Variants in GTF2I observed in about 807,000 individuals in gnomAD.
The protein encoded by GTF2I is general transcription factor IIi.
A neutral mutation model predicts 67.6 loss-of-function variants in GTF2I; 12 were observed. The observed-to-expected ratio is 0.18, with a 90% CI of 0.11 to 0.29. The LOEUF is 0.29. GTF2I is among the 10% of genes least tolerant of loss of function. GTF2I has a pLI of 1.00. For synonymous variants in GTF2I, 149 were observed against 197.0 expected (o/e 0.76, Z 2.04); for missense variants, 271 against 580.1 (o/e 0.47, Z 5.47).
intron 9 of GTF2I, among the ~76,000 whole-genome samples, chr7:74,714,091 T>C (rs1435680863): frequency 6.6e-6 from 1 of 152,152 alleles, no homozygotes; most frequent in Non-Finnish European, 1.5e-5. Flanking sequence ...ACTGTGGTCA[T>C]ATTAATGCCA....
chr7:74,675,011 CCCAG>C (rs1554391957), intron 1 of GTF2I, among the ~76,000 whole-genome samples: 3 of 151,862 alleles, frequency 2.0e-5, no homozygotes, highest in Non-Finnish European at 4.4e-5. Flanking sequence ...TGCCACCACA[CCCAG>C]CCAATTTTTG....
intron 6 of GTF2I, among the ~76,000 whole-genome samples, chr7:74,701,411 A>C (rs587617655): frequency 6.6e-5 from 10 of 152,258 alleles, no homozygotes; most frequent in African/African-American, 2.4e-4. Context: ...TGAAAAGATT[A>C]ATTTTTTAGC....
In GTF2I at chr7:74,737,227, T is replaced by C. The variant is rs810373; in HGVS notation, c.1619+544T>C. Among the ~76,000 whole-genome samples the C allele has an allele frequency of 1.7e-4, 25 of 147,388 alleles. 1 individual carries two copies. Among genetic ancestry groups the C allele is most frequent in the East Asian group, 4.0e-4 (2 of 5,006 alleles). ...AAAAAAAAAAAATAGAAAAATGCAA[T>C]GAAGTGTTATTGAGCGTTTTTAAGG... On this transcript the variant is annotated intron_variant, in intron 18 of 34. Transcript: ENST00000573035.
At chr7:74,662,216 T>C (rs1167532187) in intron 1 of GTF2I, among the ~76,000 whole-genome samples, 42 of 139,008 alleles carry the variant, frequency 3.0e-4, no homozygotes, top group Non-Finnish European at 5.0e-4. Context: ...TTTTTTTTTT[T>C]TTTTTTTTTT....
chr7:74,725,097 A>T (rs587672598), intron 12 of GTF2I, among the ~76,000 whole-genome samples: 1 of 152,324 alleles, frequency 6.6e-6, no homozygotes, highest in South Asian at 2.1e-4. Flanking sequence ...AATGCCCAGT[A>T]TGTGAGGGCA....
At chr7:74,727,100 AAG>A (rs375598839) in intron 12 of GTF2I, 1 of 152,314 alleles carries the variant, frequency 6.6e-6, no homozygotes, top group African/African-American at 2.4e-5. Flanking sequence ...TCCTTTACAA[AAG>A]CACTTCTGTC....
At chr7:74,750,620 T>G (rs1276335757) in intron 26 of GTF2I, among the ~76,000 whole-genome samples, 2 of 112,094 alleles carry the variant, frequency 1.8e-5, no homozygotes, top group African/African-American at 3.3e-5. Flanking sequence ...TTTTTTTTTT[T>G]TGTGAGACAG....
At chr7:74,725,025 G>A (rs1381024030) in intron 12 of GTF2I, among the ~76,000 whole-genome samples, 6 of 152,188 alleles carry the variant, frequency 3.9e-5, no homozygotes, top group African/African-American at 9.7e-5. Context: ...ATGCTGAAAC[G>A]TGTGTCTTGT....
chr7:74,662,489 C>CCAG (rs1252055226), intron 1 of GTF2I, among the ~76,000 whole-genome samples: 1 of 124,602 alleles, frequency 8.0e-6, no homozygotes, highest in Non-Finnish European at 1.6e-5. Context: ...GGATTACAGG[C>CCAG]GTGAGCCACT....
chr7:74,750,210 T>TA (rs1795720505), intron 26 of GTF2I, among the ~76,000 whole-genome samples: 2 of 93,326 alleles, frequency 2.1e-5, no homozygotes, highest in Admixed American at 2.7e-4. Context: ...GGCAGGCAGA[T>TA]CACTTGAGGT....
At chr7:74,722,154 G>A (rs1793092087) in intron 12 of GTF2I, among the ~76,000 whole-genome samples, 1 of 152,146 alleles carries the variant, frequency 6.6e-6, no homozygotes, top group Non-Finnish European at 1.5e-5. Context: ...GTTCTGAAGT[G>A]GCTAATTTGA....
At chr7:74,680,146 ATATG>A (rs1412684693) in intron 1 of GTF2I, among the ~76,000 whole-genome samples, 45 of 142,978 alleles carry the variant, frequency 3.1e-4, no homozygotes, top group African/African-American at 1.0e-3. Flanking sequence ...ACACATATAT[ATATG>A]TATGTATATA....
chr7:74,702,921 G>A (rs1372725246), intron 6 of GTF2I, among the ~76,000 whole-genome samples: 2 of 151,808 alleles, frequency 1.3e-5, no homozygotes, highest in African/African-American at 4.8e-5. Flanking sequence ...TTTTTTGGTA[G>A]AGACAAGCTC....
At chr7:74,667,652 A>C (rs1437593796) in intron 1 of GTF2I, among the ~76,000 whole-genome samples, 2 of 151,848 alleles carry the variant, frequency 1.3e-5, no homozygotes, top group Non-Finnish European at 2.9e-5. Flanking sequence ...AGTAGCTGGG[A>C]CTACAGGTGC....
rs781865877 is a variant in GTF2I at position 74,698,948 on chromosome 7, A to T, written c.239-13A>T. ...TTATTATTTTTTTATTTTATTTTTT[A>T]TTTTTTTTACAGGTGTTGAAGAAGA... On this transcript the variant is annotated splice_polypyrimidine_tract_variant and intron_variant, in intron 3 of 34. Coordinates refer to ENST00000573035, the MANE Select transcript of GTF2I (RefSeq NM_032999.4). 2 of 1,228,650 alleles carry T rather than the reference A, an allele frequency of 1.6e-6. No homozygotes were observed. Among genetic ancestry groups the T allele is most frequent in the Non-Finnish European group, 2.2e-6 (2 of 929,830 alleles). 76.1% of individuals were successfully genotyped at this position (1,228,650 alleles called of 1,614,324 possible).
intron 1 of GTF2I, among the ~76,000 whole-genome samples, chr7:74,671,169 CT>C (rs1181262254): frequency 1.2e-4 from 17 of 146,644 alleles, no homozygotes; most frequent in Non-Finnish European, 2.1e-4. Flanking sequence ...TCACTGCAAC[CT>C]CAGCCTCCTA....
intron 1 of GTF2I, among the ~76,000 whole-genome samples, chr7:74,671,655 G>T (rs886570768): frequency 6.6e-6 from 1 of 151,974 alleles, no homozygotes; most frequent in African/African-American, 2.4e-5. Context: ...TAACAATTTT[G>T]TATCTTAAAA....
At chr7:74,660,299 C>T (rs781801435) in intron 1 of GTF2I, among the ~76,000 whole-genome samples, 6 of 151,288 alleles carry the variant, frequency 4.0e-5, no homozygotes, top group Non-Finnish European at 8.8e-5. Context: ...AAGCGATTTT[C>T]CTGCCTCAGT....
At chr7:74,658,677 C>A (rs1446913315) in intron 1 of GTF2I, among the ~76,000 whole-genome samples, 4 of 150,358 alleles carry the variant, frequency 2.7e-5, no homozygotes, top group Non-Finnish European at 6.0e-5. Flanking sequence ...GGAGCGCTGT[C>A]CCCCGCCCCG....
Sources: gnomAD v4.1 joint callset for allele counts (sites outside exome capture counted in the v4.1 genomes callset) on GRCh38, gnomAD v4.1.1 for gene constraint, MANE v1.5 for transcripts, NCBI Gene and HGNC (gene_info 2026-07-23, HGNC 2026-07-21) for gene names.